The following CELF1 variants were observed in gnomAD, a reference collection of about 807,000 sequenced individuals.
CELF1 encodes the protein 50 kDa nuclear polyadenylated RNA-binding protein.
CELF1 carries 10 observed loss-of-function variants against 61.8 expected under a neutral mutation model. The observed-to-expected ratio is 0.16, with a 90% CI of 0.10 to 0.27. The LOEUF (loss-of-function observed/expected upper bound fraction) is 0.27. CELF1 is among the 10% of genes least tolerant of loss of function. The probability of loss-of-function intolerance (pLI) is 1.00; values close to 1 mark genes in which losing one functional copy is unlikely to be tolerated. For missense variants in CELF1, 380 were observed against 639.1 expected (o/e 0.59, Z 4.37); for synonymous variants, 236 against 225.1 (o/e 1.05, Z -0.43).
At chr11:47,502,055 A>G (rs1241250863) in intron 1 of CELF1, among the ~76,000 whole-genome samples, 1 of 152,206 alleles carries the variant, frequency 6.6e-6, no homozygotes, top group Non-Finnish European at 1.5e-5. Context: ...AGTTTCCACC[A>G]AGCCAAGGGC....
chr11:47,506,645 T>C (rs2153579571), intron 1 of CELF1, among the ~76,000 whole-genome samples: 1 of 152,300 alleles, frequency 6.6e-6, no homozygotes, highest in Non-Finnish European at 1.5e-5. Context: ...TAAGCCTGCC[T>C]TGGAAAATAG....
intron 1 of CELF1, among the ~76,000 whole-genome samples, chr11:47,508,618 CAT>C (rs1476805548): frequency 6.8e-6 from 1 of 147,662 alleles, no homozygotes; most frequent in African/African-American, 2.5e-5. Context: ...AAAACCTCCA[CAT>C]AAACAGGGTA....
intron 1 of CELF1, among the ~76,000 whole-genome samples, chr11:47,521,708 T>C (rs915491187): frequency 2.6e-5 from 4 of 152,198 alleles, no homozygotes; most frequent in African/African-American, 9.6e-5. Flanking sequence ...GCACCAAGCT[T>C]GGTGTTTATG....
intron 1 of CELF1, among the ~76,000 whole-genome samples, chr11:47,508,468 A>T (rs1462087802): frequency 6.6e-6 from 1 of 151,964 alleles, no homozygotes; most frequent in Non-Finnish European, 1.5e-5. Context: ...ACAAAAGGGT[A>T]AGGGACAGGT....
chr11:47,533,571 T>C (rs534572969), intron 1 of CELF1, among the ~76,000 whole-genome samples: 2 of 152,206 alleles, frequency 1.3e-5, no homozygotes, highest in Admixed American at 6.5e-5. Context: ...GGCAGTGAGC[T>C]GAGATCGCAC....
At chr11:47,482,947 TA>T in intron 8 of CELF1, 91 bp from the exon 9 acceptor site, 1 of 1,145,744 alleles carries the variant, frequency 8.7e-7, no homozygotes, top group Admixed American at 2.4e-5. Flanking sequence ...GGTTACATTC[TA>T]ATTTCATTCA....
At chr11:47,479,243 G>A (rs2081614712) in intron 9 of CELF1, among the ~76,000 whole-genome samples, 1 of 152,138 alleles carries the variant, frequency 6.6e-6, no homozygotes, top group Non-Finnish European at 1.5e-5. Context: ...ACTACAGCAG[G>A]ATAATAAGCT....
At chr11:47,499,750 G>C in intron 2 of CELF1, 146 bp from the exon 3 acceptor site, 1 of 532,982 alleles carries the variant, frequency 1.9e-6, no homozygotes, top group Non-Finnish European at 3.4e-6. Flanking sequence ...GGGAGGCTCA[G>C]CCCAGCACAC....
intron 1 of CELF1, among the ~76,000 whole-genome samples, chr11:47,538,763 C>A (rs1385417444): frequency 6.6e-6 from 1 of 151,928 alleles, no homozygotes; most frequent in African/African-American, 2.4e-5. Context: ...ACCTAACAAA[C>A]CAAAATATCA....
chr11:47,549,575 AAC>A (rs1159573068), intron 1 of CELF1, among the ~76,000 whole-genome samples: 3 of 152,176 alleles, frequency 2.0e-5, no homozygotes, highest in African/African-American at 7.2e-5. Context: ...TGTCACAAAA[AAC>A]AGACATGGTA....
chr11:47,475,411 C>T lies in CELF1; in HGVS notation c.1198G>A (p.Ala400Thr), dbSNP rs767164612. ...TGGTTGTACAGAGTGGGGAGCGCAG[C>T]AGCAGCATATTGCTGGATACCCGAG... ...AYSGIQQYAA[A>T]ALPTLYNQNL... The change falls in exon 13 of 15, where the codon GCT (alanine) becomes ACT (threonine). Residue 400 changes from alanine to threonine, a missense_variant. Physicochemically the swap from Ala to Thr is moderately conservative, Grantham distance 58 (BLOSUM62 0). Transcript: ENST00000687097. 1 of 1,614,130 alleles carries T rather than the reference C, an allele frequency of 6.2e-7. No individual in the cohort carries two copies. The highest frequency in any genetic ancestry group is 8.5e-7 in the Non-Finnish European group (1 of 1,180,036).
At chr11:47,477,038 G>C in intron 11 of CELF1, 79 bp from the exon 12 acceptor site, 1 of 1,236,992 alleles carries the variant, frequency 8.1e-7, no homozygotes, top group Non-Finnish European at 1.2e-6. Context: ...CACTATCCAA[G>C]TATGCTATTT....
At chr11:47,501,438 A>G (rs1374055162) in intron 1 of CELF1, among the ~76,000 whole-genome samples, 2 of 152,232 alleles carry the variant, frequency 1.3e-5, no homozygotes, top group Non-Finnish European at 2.9e-5. Flanking sequence ...TGCCTAGACC[A>G]AAGAATAACT....
At chr11:47,534,467 C>G (rs1037781514) in intron 1 of CELF1, among the ~76,000 whole-genome samples, 1 of 151,962 alleles carries the variant, frequency 6.6e-6, no homozygotes, top group African/African-American at 2.4e-5. Flanking sequence ...TGGCTCATGC[C>G]TGTAATCCCA....
chr11:47,500,267 T>C (rs2093733370), intron 2 of CELF1, among the ~76,000 whole-genome samples: 1 of 152,110 alleles, frequency 6.6e-6, no homozygotes, highest in Admixed American at 6.6e-5. Flanking sequence ...TGATGTGCTA[T>C]CTAATGGTTA....
At chr11:47,504,003 A>G (rs905915096) in intron 1 of CELF1, among the ~76,000 whole-genome samples, 1 of 152,056 alleles carries the variant, frequency 6.6e-6, no homozygotes, top group African/African-American at 2.4e-5. Context: ...AGAGAGACCT[A>G]TCTCTACAAA....
chr11:47,497,326 A>G (rs571317883), intron 3 of CELF1, among the ~76,000 whole-genome samples: 68 of 152,364 alleles, frequency 4.5e-4, no homozygotes, highest in African/African-American at 1.5e-3. Context: ...GAAAATATCC[A>G]TATCTTAGGA....
Position 47,468,725 on chromosome 11 carries a change from GAAGA to G in CELF1, c.*3501_*3504del, listed in dbSNP as rs2077081043. ...AGGAAAGAAAAAAAGAAAAAAAAAC[GAAGA>G]AAGAAACAAACATAATAAAAATACA... On this transcript the variant is annotated 3_prime_UTR_variant, in exon 15 of 15. Coordinates refer to ENST00000687097, the MANE Select transcript of CELF1 (RefSeq NM_001376376.1). The G allele has an allele frequency of 2.0e-5, 3 of 152,212 alleles. No homozygotes were observed. The highest frequency in any genetic ancestry group is 4.2e-4 in the South Asian group (2 of 4,814). The allele number at this position is 152,212 out of a possible 1,614,324, so 9.4% of individuals were successfully genotyped here. A position where few individuals can be genotyped will look rare whatever the true frequency, so the allele number is the denominator to read the frequency against.
chr11:47,508,216 A>G (rs888478297), intron 1 of CELF1, among the ~76,000 whole-genome samples: 1 of 152,234 alleles, frequency 6.6e-6, no homozygotes, highest in African/African-American at 2.4e-5. Flanking sequence ...ACAGCAAGTT[A>G]AATTTCTACC....
Sources: allele counts gnomAD v4.1 joint callset (sites outside exome capture counted in the v4.1 genomes callset), GRCh38; gene constraint gnomAD v4.1.1; transcripts MANE v1.5; gene names NCBI Gene and HGNC (gene_info 2026-07-23, HGNC 2026-07-21).